Variants in PRSS23 observed in about 807,000 individuals in gnomAD.
PRSS23 encodes the protein serine protease 23.
PRSS23 carries 25 observed loss-of-function variants against 34.7 expected under a neutral mutation model. That is an observed-to-expected ratio of 0.72 (90% CI 0.53 to 1.01). The LOEUF is 1.01. Ranked by LOEUF, PRSS23 falls within the 50% of genes least tolerant of loss-of-function variation. PRSS23 has a pLI of 0.00. For missense variants in PRSS23, 445 were observed against 475.6 expected (o/e 0.94, Z 0.60); for synonymous variants, 176 against 186.6 (o/e 0.94, Z 0.46).
intron 2 of PRSS23, among the ~76,000 whole-genome samples, chr11:86,867,510 T>C (rs1242643224): frequency 3.3e-5 from 5 of 152,240 alleles, no homozygotes; most frequent in Non-Finnish European, 5.9e-5. Flanking sequence ...CAAGATGCTT[T>C]ACTCTTCTCC....
chr11:86,870,799 T>C (rs1325665752), intron 2 of PRSS23, among the ~76,000 whole-genome samples: 1 of 152,332 alleles, frequency 6.6e-6, no homozygotes, highest in Non-Finnish European at 1.5e-5. Flanking sequence ...ATCCAGTAAA[T>C]TGTTCATTTC....
chr11:86,905,413 T>TA (rs1948935836), intron 2 of PRSS23, among the ~76,000 whole-genome samples: 1 of 152,228 alleles, frequency 6.6e-6, no homozygotes, highest in Non-Finnish European at 1.5e-5. Flanking sequence ...ACATCATTGA[T>TA]ACTCTTGCTC....
intron 2 of PRSS23, among the ~76,000 whole-genome samples, chr11:86,861,245 A>G (rs991985710): frequency 6.9e-6 from 1 of 145,888 alleles, no homozygotes; most frequent in Non-Finnish European, 1.5e-5. Context: ...GAGGGGGGCG[A>G]TATTACTCTC....
At chr11:86,824,042 C>G (rs940073304) in intron 2 of PRSS23, among the ~76,000 whole-genome samples, 4 of 142,980 alleles carry the variant, frequency 2.8e-5, no homozygotes, top group Non-Finnish European at 6.0e-5. Context: ...GAATTCAGAG[C>G]AAGGGGCTTT....
intron 2 of PRSS23, among the ~76,000 whole-genome samples, chr11:86,872,046 A>G (rs1268138259): frequency 6.6e-6 from 1 of 152,230 alleles, no homozygotes; most frequent in Non-Finnish European, 1.5e-5. Flanking sequence ...AAATCCTGCC[A>G]CTTACAATTA....
chr11:86,901,183 A>C (rs1948910002), intron 2 of PRSS23, among the ~76,000 whole-genome samples: 1 of 151,844 alleles, frequency 6.6e-6, no homozygotes, highest in Non-Finnish European at 1.5e-5. Context: ...CCTTATTAAC[A>C]CTTTGTTATT....
chr11:86,841,215 T>C (rs967783678), intron 2 of PRSS23, among the ~76,000 whole-genome samples: 45 of 151,760 alleles, frequency 3.0e-4, no homozygotes, highest in Non-Finnish European at 6.3e-4. Flanking sequence ...GGCACATGCC[T>C]GCAATCCCAG....
At chr11:86,895,195 A>G (rs1430472439) in intron 2 of PRSS23, among the ~76,000 whole-genome samples, 1 of 152,232 alleles carries the variant, frequency 6.6e-6, no homozygotes, top group Non-Finnish European at 1.5e-5. Context: ...ACAGTATGGC[A>G]TATTAGAAAG....
intron 2 of PRSS23, chr11:86,947,249 T>C: frequency 5.8e-6 from 1 of 171,084 alleles, no homozygotes; most frequent in Non-Finnish European, 1.2e-5. Context: ...AAAAAAAGGT[T>C]CCTTCCAAAG....
At chr11:86,893,674 T>G (rs1016157808) in intron 2 of PRSS23, among the ~76,000 whole-genome samples, 32 of 152,216 alleles carry the variant, frequency 2.1e-4, no homozygotes, top group African/African-American at 7.5e-4. Context: ...TATACATGCA[T>G]TGTATATTTT....
intron 2 of PRSS23, among the ~76,000 whole-genome samples, chr11:86,941,571 T>C (rs1221849985): frequency 6.6e-6 from 1 of 152,236 alleles, no homozygotes; most frequent in Non-Finnish European, 1.5e-5. Context: ...TTTCTCTGTT[T>C]TGTCATCTGC....
At chr11:86,857,364 C>A in intron 2 of PRSS23, 1 of 267,692 alleles carries the variant, frequency 3.7e-6, no homozygotes. Flanking sequence ...ACAAAAGGAT[C>A]CCTGAAATGG....
rs111233863 is a variant in PRSS23 at position 86,804,945 on chromosome 11, G to T, written c.-13-2686G>T. ...TCCTACTCTTTCTCCCCCAAGAATC[G>T]TATTTTAAAAACAAGAACGCTTGGC... On this transcript the variant is annotated intron_variant, in intron 1 of 1. Coordinates refer to ENST00000280258, the MANE Select transcript of PRSS23 (RefSeq NM_007173.6). Among the ~76,000 whole-genome samples the T allele has an allele frequency of 1.2e-3, 190 of 152,108 alleles. 4 individuals carry two copies. The highest frequency in any genetic ancestry group is 6.8e-3 in the Middle Eastern group (2 of 294).
At chr11:86,815,288 C>T (rs1473110761), downstream of PRSS23, among the ~76,000 whole-genome samples, 10 of 152,188 alleles carry the variant, frequency 6.6e-5, no homozygotes, top group African/African-American at 2.4e-4. Flanking sequence ...GTTTTATTGT[C>T]CTGCTCTGCA....
At chr11:86,859,616 G>A (rs893528096) in intron 2 of PRSS23, among the ~76,000 whole-genome samples, 9 of 151,952 alleles carry the variant, frequency 5.9e-5, no homozygotes. Flanking sequence ...CAGTATCACA[G>A]TGGGTATACA....
chr11:86,913,656 G>C (rs1181935598), intron 2 of PRSS23, among the ~76,000 whole-genome samples: 2 of 151,668 alleles, frequency 1.3e-5, no homozygotes, highest in East Asian at 3.9e-4. Context: ...GTATTTGCAA[G>C]CTCCAGACTC....
rs776638102 is a variant in PRSS23 at position 86,808,062 on chromosome 11, T to C, written c.419T>C (p.Phe140Ser). ...GGCTATGACAGCAGGTTCAGCATTT[T>C]TGGGAAGGACTTCCTGCTCAACTAC... ...IYGYDSRFSIFGKDFLLNYPF... is the reference protein window; with the variant it reads ...IYGYDSRFSISGKDFLLNYPF... Residue 140 changes from phenylalanine (F) to serine (S), a missense_variant, in exon 2 of 2, where the codon TTT (phenylalanine) becomes TCT (serine). Transcript: ENST00000280258. The C allele has an allele frequency of 1.1e-5, 18 of 1,613,876 alleles. No homozygotes were observed. The highest frequency in any genetic ancestry group is 6.7e-5 in the Admixed American group (4 of 59,982).
chr11:86,840,979 A>G (rs910462215), intron 2 of PRSS23, among the ~76,000 whole-genome samples: 2 of 152,200 alleles, frequency 1.3e-5, no homozygotes, highest in African/African-American at 2.4e-5. Flanking sequence ...AGGGAAATTT[A>G]TAGCACTAAA....
intron 2 of PRSS23, among the ~76,000 whole-genome samples, chr11:86,873,256 G>GTGTGTGTATATATA (rs142908794): frequency 2.5e-5 from 3 of 121,162 alleles, no homozygotes; most frequent in African/African-American, 1.1e-4. Context: ...ACATATATAT[G>GTGTGTGTATATATA]TATATATATA....
Sources: gnomAD v4.1 joint callset for allele counts (sites outside exome capture counted in the v4.1 genomes callset) on GRCh38, gnomAD v4.1.1 for gene constraint, MANE v1.5 for transcripts, NCBI Gene and HGNC (gene_info 2026-07-23, HGNC 2026-07-21) for gene names.